Variants in ELP1 observed in about 807,000 individuals in gnomAD.
ELP1 encodes the protein elongator complex protein 1.
ELP1 carries 131 observed loss-of-function variants against 183.2 expected under a neutral mutation model. That is an observed-to-expected ratio of 0.72 (90% CI 0.62 to 0.83). ELP1 has a LOEUF of 0.83. Ranked by LOEUF, ELP1 falls within the 40% of genes least tolerant of loss-of-function variation. The pLI is 0.00. For missense variants in ELP1, 1,550 were observed against 1,594.9 expected, an observed-to-expected ratio of 0.97 and a Z score of 0.48; for synonymous variants, 555 against 569.0, an observed-to-expected ratio of 0.98 and a Z score of 0.35.
At chr9:108,904,536 A>G (rs1190393666) in intron 14 of ELP1, among the ~76,000 whole-genome samples, 1 of 152,248 alleles carries the variant, frequency 6.6e-6, no homozygotes, top group Non-Finnish European at 1.5e-5. Context: ...ACTAAACATT[A>G]TAACAATAGG....
At chr9:108,893,129 G>A in intron 26 of ELP1, 46 bp from the exon 27 acceptor site, 4 of 1,338,216 alleles carry the variant, frequency 3.0e-6, no homozygotes, top group Non-Finnish European at 4.3e-6. Context: ...GACATGGGAA[G>A]CATAATGGAC....
At position 108,930,507 on chromosome 9, in the gene ELP1, G is replaced by A. The variant is rs562352061; in HGVS notation, c.150+490C>T. Among the ~76,000 whole-genome samples the A allele has an allele frequency of 6.6e-5, 10 of 152,164 alleles. No homozygotes were observed. The South Asian group carries it at 1.9e-3, about 28-fold the overall frequency. On this transcript the variant is annotated intron_variant, in intron 2 of 36. Transcript: ENST00000374647. ...AGATCAAGACCATCCTGGCTAACAC[G>A]GTGAAACCGCACATCTACTAAAAAT...
At chr9:108,870,993 T>G (rs897217264) in intron 36 of ELP1, among the ~76,000 whole-genome samples, 4 of 133,058 alleles carry the variant, frequency 3.0e-5, no homozygotes, top group Admixed American at 1.5e-4. Context: ...TTTTTTTTTT[T>G]GTGCCAGATC....
At position 108,891,342 on chromosome 9, in the gene ELP1, G is replaced by A. The variant is rs755469058; in HGVS notation, c.3021C>T (p.Leu1007=). ...MQEHMYEPAG[L]MFARCGAHEK... ...CGTGGGCACCGCAACGGGCAAACAT[G>A]AGCCCCGCTGGCTCATACATGTGCT... Residue 1007 remains leucine (L), a synonymous_variant, in exon 28 of 37, where the codon CTC becomes CTT. Coordinates refer to ENST00000374647, the MANE Select transcript of ELP1 (RefSeq NM_003640.5). 2.5e-6 allele frequency: 4 copies of A among 1,614,126 alleles called. No individual in the cohort carries two copies. The South Asian group carries it at 3.3e-5, about 13-fold the overall frequency.
At chr9:108,902,751 C>T (rs1828857923) in intron 16 of ELP1, 88 bp downstream of exon 16, 2 of 956,954 alleles carry the variant, frequency 2.1e-6, no homozygotes, top group Non-Finnish European at 3.4e-6. Context: ...GACCCAAGTC[C>T]ACCTCCAAAG....
chr9:108,920,001 A>G (rs1829587012), intron 6 of ELP1, among the ~76,000 whole-genome samples: 1 of 152,206 alleles, frequency 6.6e-6, no homozygotes, highest in South Asian at 2.1e-4. Flanking sequence ...TAGTCTGCAC[A>G]GTAGGGAATA....
intron 31 of ELP1, among the ~76,000 whole-genome samples, chr9:108,880,516 A>G (rs1827886451): frequency 6.6e-6 from 1 of 151,680 alleles, no homozygotes; most frequent in Non-Finnish European, 1.5e-5. Flanking sequence ...AACAAAAATA[A>G]GAAGAAAATT....
intron 28 of ELP1, among the ~76,000 whole-genome samples, chr9:108,890,749 T>C (rs1260357217): frequency 2.0e-5 from 3 of 152,242 alleles, no homozygotes; most frequent in Non-Finnish European, 4.4e-5. Context: ...CAAAAATTCA[T>C]CTTTACCTTC....
At chr9:108,932,196 T>C (rs1425623640) in intron 1 of ELP1, among the ~76,000 whole-genome samples, 5 of 152,160 alleles carry the variant, frequency 3.3e-5, no homozygotes, top group African/African-American at 1.2e-4. Context: ...TCAAGTGTCA[T>C]AGGAATTATA....
In ELP1 at chr9:108,929,629, T is replaced by C; in HGVS notation, c.303+140A>G. 4 of 846,746 alleles carry C rather than the reference T, an allele frequency of 4.7e-6. No homozygotes were observed. The South Asian group carries it at 6.6e-5, about 14-fold the overall frequency. The allele number at this position is 846,746 out of a possible 1,614,324, so 52.5% of individuals were successfully genotyped here. Reference sequence around the variant, plus strand: ...AGATAAAGCCATGTTAACAATTTTTTAAATAAAGAAATATATAATGCAAAA... The same window carrying C: ...AGATAAAGCCATGTTAACAATTTTTCAAATAAAGAAATATATAATGCAAAA... On this transcript the variant is annotated intron_variant, in intron 3 of 36. Transcript: ENST00000374647.
chr9:108,874,363 A>C (rs557695027), intron 36 of ELP1, among the ~76,000 whole-genome samples: 1 of 152,326 alleles, frequency 6.6e-6, no homozygotes, highest in East Asian at 1.9e-4. Context: ...ATTGAGAATC[A>C]TCTCCCCTCA....
chr9:108,922,773 G>A, intron 6 of ELP1, 69 bp downstream of exon 6: 1 of 1,140,934 alleles, frequency 8.8e-7, no homozygotes. Context: ...GGACACCAAA[G>A]AGTTCCTGGT....
intron 31 of ELP1, among the ~76,000 whole-genome samples, chr9:108,881,258 A>G (rs1035499877): frequency 6.6e-6 from 1 of 152,224 alleles, no homozygotes; most frequent in Non-Finnish European, 1.5e-5. Flanking sequence ...CTCTGCATGC[A>G]TACACACATT....
intron 6 of ELP1, among the ~76,000 whole-genome samples, chr9:108,921,666 C>A (rs887386949): frequency 6.6e-6 from 1 of 152,070 alleles, no homozygotes; most frequent in Non-Finnish European, 1.5e-5. Context: ...TGGATCACCC[C>A]CAAAGAAGCA....
intron 36 of ELP1, among the ~76,000 whole-genome samples, chr9:108,874,560 G>C (rs1827624867): frequency 6.6e-6 from 1 of 152,200 alleles, no homozygotes; most frequent in Non-Finnish European, 1.5e-5. Flanking sequence ...TGATGCTTCA[G>C]AAGAATCTTT....
intron 5 of ELP1, among the ~76,000 whole-genome samples, chr9:108,923,405 A>G (rs1829724992): frequency 6.6e-6 from 1 of 152,174 alleles, no homozygotes; most frequent in African/African-American, 2.4e-5. Context: ...ATTTCATATT[A>G]TATGCAGCAG....
rs1177759903 is a variant in ELP1 at position 108,868,611 on chromosome 9, T to C, written c.*504A>G. 2.6e-5 allele frequency: 12 copies of C among 453,402 alleles called. No homozygotes were observed. The highest frequency in any genetic ancestry group is 7.0e-5 in the South Asian group (1 of 14,346). 28.1% of individuals were successfully genotyped at this position (453,402 alleles called of 1,614,324 possible). The stretch of plus-strand genomic sequence containing the variant: ...GACCTGGTAAGATGTTACAAAATAA[T>C]AGCTGTCAGCAAAGGAGGGCTTATA... On this transcript the variant is annotated 3_prime_UTR_variant, in exon 37 of 37. Coordinates refer to ENST00000374647, the MANE Select transcript of ELP1 (RefSeq NM_003640.5).
intron 29 of ELP1, among the ~76,000 whole-genome samples, chr9:108,882,656 A>G (rs1827978320): frequency 6.7e-6 from 1 of 148,674 alleles, no homozygotes; most frequent in Non-Finnish European, 1.5e-5. Context: ...ATGCAGTGGC[A>G]TAATCACAGC....
At chr9:108,885,648 T>C (rs866146673) in intron 29 of ELP1, among the ~76,000 whole-genome samples, 9 of 152,196 alleles carry the variant, frequency 5.9e-5, no homozygotes, top group South Asian at 2.1e-4. Flanking sequence ...GAGTAGCTGA[T>C]CAAAGCAACA....
Sources: gnomAD v4.1 joint callset for allele counts (sites outside exome capture counted in the v4.1 genomes callset) on GRCh38, gnomAD v4.1.1 for gene constraint, MANE v1.5 for transcripts, NCBI Gene and HGNC (gene_info 2026-07-23, HGNC 2026-07-21) for gene names.